Variants in C1orf167 observed in about 807,000 individuals in gnomAD.
C1orf167 encodes the protein chromosome 1 open reading frame 167.
Under a neutral mutation model 176.5 loss-of-function variants are expected in C1orf167, and 153 were observed. The ratio of observed to expected loss-of-function variants is 0.87; its 90% CI spans 0.76 to 0.99. The LOEUF is 0.99. Among genes scored for constraint, C1orf167 ranks in the 50% least tolerant of loss-of-function variants. C1orf167 has a pLI of 0.00. For synonymous variants in C1orf167, 594 were observed against 752.7 expected (o/e 0.79, Z 3.45); for missense variants, 1,490 against 1,817.7 (o/e 0.82, Z 3.28).
In C1orf167 at chr1:11,766,310, G is replaced by A; in HGVS notation, c.524G>A (p.Gly175Asp). 7.8e-7 allele frequency: 1 copy of A among 1,288,940 alleles called. No individual in the cohort carries two copies. The highest frequency in any genetic ancestry group is 2.3e-5 in the Admixed American group (1 of 43,392). 79.8% of individuals were successfully genotyped at this position (1,288,940 alleles called of 1,614,324 possible). Residue 175 changes from glycine to aspartate, a missense_variant, in exon 3 of 21, where the codon GGC becomes GAC. Gly to Asp is a moderately conservative substitution (Grantham distance 94). Coordinates refer to ENST00000688073, the MANE Select transcript of C1orf167 (RefSeq NM_001010881.2). The surrounding 1 kb of genome is among the most constrained non-coding windows in gnomAD (Gnocchi z 4.5). ...CLRQSGLPAP[G>D]TPSGDFRPTE... ...AGGCAGTCCGGGCTGCCGGCCCCAG[G>A]CACCCCTAGCGGGGACTTCAGGCCC...
intron 10 of C1orf167, chr1:11,778,452 A>G: frequency 3.2e-6 from 1 of 312,178 alleles, no homozygotes; most frequent in Non-Finnish European, 6.2e-6. Flanking sequence ...CCTGGTGGGC[A>G]TCGGTACCTC....
At chr1:11,774,660 TA>T (rs905891731) in intron 8 of C1orf167, among the ~76,000 whole-genome samples, 5 of 151,960 alleles carry the variant, frequency 3.3e-5, no homozygotes, top group Admixed American at 3.3e-4. Context: ...TAGTACAGGG[TA>T]GGGGGGCTGA....
In C1orf167 at chr1:11,766,727, G is replaced by C. The variant is rs1432818752; in HGVS notation, c.941G>C (p.Ser314Thr). The C allele has an allele frequency of 7.8e-7, 1 of 1,289,784 alleles. No homozygotes were observed. The highest frequency in any genetic ancestry group is 1.2e-5 in the South Asian group (1 of 81,026). 79.9% of individuals were successfully genotyped at this position (1,289,784 alleles called of 1,614,324 possible). Reference protein sequence around the residue: ...ETAAFLETPASLSDSWAQSKL... With the variant: ...ETAAFLETPATLSDSWAQSKL... ...GCGGCTTTCTTGGAGACCCCGGCTA[G>C]TCTCTCAGACTCTTGGGCACAAAGC... is the stretch of plus-strand genomic sequence containing the variant. The change falls in exon 3 of 21, where the codon AGT becomes ACT. Residue 314 changes from serine to threonine, a missense_variant. Transcript: ENST00000688073. The surrounding 1 kb of genome is among the most constrained non-coding windows in gnomAD (Gnocchi z 4.5).
intron 6 of C1orf167, among the ~76,000 whole-genome samples, chr1:11,770,928 C>G (rs1643023500): frequency 1.3e-5 from 2 of 150,054 alleles, no homozygotes; most frequent in Non-Finnish European, 3.0e-5. Flanking sequence ...CCTCAGCCTC[C>G]CGAGTAGCTG....
At chr1:11,764,182 G>A (rs1642673943) in intron 1 of C1orf167, 149 bp from the exon 2 acceptor site, 1 of 351,362 alleles carries the variant, frequency 2.8e-6, no homozygotes, top group Non-Finnish European at 5.7e-6. Context: ...AGGGAGAGGA[G>A]CCACTGAGAG....
chr1:11,781,086 C>T (rs962470798), intron 13 of C1orf167, among the ~76,000 whole-genome samples: 3 of 151,166 alleles, frequency 2.0e-5, no homozygotes, highest in East Asian at 3.9e-4. Context: ...CAACCTCCAC[C>T]CCCTGGGTTC....
At position 11,766,159 on chromosome 1, in the gene C1orf167, C is replaced by A; in HGVS notation, c.373C>A (p.Leu125Met). Reference sequence around the variant, plus strand: ...AGAGTTTGCCATCCAGCAGAGCAACCTGAGCATCAACGAGACCAGCAGCCC... The same window carrying A: ...AGAGTTTGCCATCCAGCAGAGCAACATGAGCATCAACGAGACCAGCAGCCC... ...AREFAIQQSNLSINETSSPHL... is the reference protein window; with the variant it reads ...AREFAIQQSNMSINETSSPHL... The change falls in exon 3 of 21, where the codon CTG becomes ATG. Residue 125 changes from leucine to methionine, a missense_variant. Coordinates refer to ENST00000688073, the MANE Select transcript of C1orf167 (RefSeq NM_001010881.2). This position sits in a 1 kb window ranked among gnomAD's most constrained non-coding sequence, Gnocchi z 4.5. 7.8e-7 allele frequency: 1 copy of A among 1,289,868 alleles called. No homozygotes were observed. The highest frequency in any genetic ancestry group is 1.2e-5 in the South Asian group (1 of 81,036). The allele number at this position is 1,289,868 out of a possible 1,614,324, so 79.9% of individuals were successfully genotyped here.
Position 11,762,222 on chromosome 1 carries a change from C to A in C1orf167, c.-154C>A. ...TCCCCTCCCGCCCGCGACCTGCCGA[C>A]CTGCGGGGATCGTTAGCGGTCCCAG... On this transcript the variant is annotated 5_prime_UTR_variant, in exon 1 of 21. Coordinates refer to ENST00000688073, the MANE Select transcript of C1orf167 (RefSeq NM_001010881.2). 1 of 446,682 alleles carries A rather than the reference C, an allele frequency of 2.2e-6. No individual in the cohort carries two copies. Among genetic ancestry groups the A allele is most frequent in the Non-Finnish European group, 4.5e-6 (1 of 220,170 alleles). 27.7% of individuals were successfully genotyped at this position (446,682 alleles called of 1,614,324 possible). A position where few individuals can be genotyped will look rare whatever the true frequency, so the allele number is the denominator to read the frequency against.
At chr1:11,765,720 G>C (rs900629357) in intron 2 of C1orf167, 137 bp from the exon 3 acceptor site, 8 of 830,460 alleles carry the variant, frequency 9.6e-6, no homozygotes, top group Non-Finnish European at 1.3e-5. Context: ...AGACAGAGCT[G>C]GCAGAAGACC....
chr1:11,788,069 G>A lies in C1orf167; in HGVS notation c.3848+22G>A, dbSNP rs973347052. 5.7e-5 allele frequency: 73 copies of A among 1,285,892 alleles called. 1 individual carries two copies. The highest frequency in any genetic ancestry group is 7.1e-5 in the Non-Finnish European group (69 of 976,556). 79.7% of individuals were successfully genotyped at this position (1,285,892 alleles called of 1,614,324 possible). On this transcript the variant is annotated intron_variant, in intron 18 of 20. Transcript: ENST00000688073. Reference sequence around the variant, plus strand: ...TACGGTAAGAGGAGCTGTGTGTGCAGTTTGGTGGGTCCGAGGGATGGGGGC... The same window carrying A: ...TACGGTAAGAGGAGCTGTGTGTGCAATTTGGTGGGTCCGAGGGATGGGGGC...
At position 11,779,956 on chromosome 1, in the gene C1orf167, C is replaced by A. The variant is rs1040745252; in HGVS notation, c.2806C>A (p.Arg936=). 6.2e-6 allele frequency: 8 copies of A among 1,298,074 alleles called. No homozygotes were observed. The South Asian group carries it at 9.9e-5, about 16-fold the overall frequency. The allele number at this position is 1,298,074 out of a possible 1,614,324, so 80.4% of individuals were successfully genotyped here. The change falls in exon 13 of 21, where the codon CGG becomes AGG. Residue 936 remains arginine (R), a synonymous_variant. Coordinates refer to ENST00000688073, the MANE Select transcript of C1orf167 (RefSeq NM_001010881.2). Reference sequence around the variant, plus strand: ...GCTGGTGGAGTGGTGGGCCCAGGAGCGGGGCTGGCGGCTGGCACGAGATGC... The same window carrying A: ...GCTGGTGGAGTGGTGGGCCCAGGAGAGGGGCTGGCGGCTGGCACGAGATGC... ...SRLVEWWAQE[R]GWRLARDALC...
rs79822811 is a variant in C1orf167 at position 11,772,730 on chromosome 1, C to T, written c.1988+471C>T. Among the ~76,000 whole-genome samples, 617 of 152,236 alleles carry T rather than the reference C, an allele frequency of 4.1e-3. 6 individuals carry two copies. Among genetic ancestry groups the T allele is most frequent in the African/African-American group, 0.012 (517 of 41,538 alleles). ...GCTTAGTCCCGGCCTCCCACCTCTG[C>T]CCATCATCACAGTGGAACCCATGGC... On this transcript the variant is annotated intron_variant, in intron 8 of 20. Transcript: ENST00000688073.
At chr1:11,782,792 G>C (rs1643655034) in intron 14 of C1orf167, among the ~76,000 whole-genome samples, 1 of 151,964 alleles carries the variant, frequency 6.6e-6, no homozygotes, top group African/African-American at 2.4e-5. Flanking sequence ...CATGGTGGCA[G>C]GTGCCTGTAG....
intron 2 of C1orf167, 22 bp from the exon 3 acceptor site, chr1:11,765,835 T>A (rs1239560447): frequency 8.4e-7 from 1 of 1,185,030 alleles, no homozygotes; most frequent in South Asian, 1.6e-5. Flanking sequence ...ACCCAAGTCA[T>A]GACTGTCTCT....
In C1orf167 at chr1:11,785,224, G is replaced by A; in HGVS notation, c.3502G>A (p.Glu1168Lys). 7.7e-7 allele frequency: 1 copy of A among 1,291,652 alleles called. No individual in the cohort carries two copies. The highest frequency in any genetic ancestry group is 1.2e-5 in the South Asian group (1 of 81,006). 80.0% of individuals were successfully genotyped at this position (1,291,652 alleles called of 1,614,324 possible). The change falls in exon 16 of 21, where the codon GAG (glutamate) becomes AAG (lysine). Residue 1168 changes from glutamate (E) to lysine (K), a missense_variant. Physicochemically the swap from Glu to Lys is moderately conservative, Grantham distance 56 (BLOSUM62 1). Coordinates refer to ENST00000688073, the MANE Select transcript of C1orf167 (RefSeq NM_001010881.2). ...CATCCTCACCCAGCTCCGGCCGGCTGAGCTCAGGCGCTTCCTGCGGACAGT... is the reference window on the plus strand; with the variant it reads ...CATCCTCACCCAGCTCCGGCCGGCTAAGCTCAGGCGCTTCCTGCGGACAGT... The part of the protein sequence containing the change: ...RAILTQLRPA[E>K]LRRFLRTVQL...
intron 9 of C1orf167, among the ~76,000 whole-genome samples, chr1:11,775,925 G>A (rs1643291184): frequency 6.6e-6 from 1 of 152,202 alleles, no homozygotes; most frequent in South Asian, 2.1e-4. Context: ...GGAAGCTCCT[G>A]GTGTGATGGG....
Position 11,762,583 on chromosome 1 carries a change from C to A in C1orf167, c.-71+278C>A, listed in dbSNP as rs1642564007. Among the ~76,000 whole-genome samples, 3 of 152,210 alleles carry A rather than the reference C, an allele frequency of 2.0e-5. No homozygotes were observed. In the South Asian group the frequency reaches 6.2e-4, roughly 32 times the overall value. ...TTAGGAGTCTGCGCTGTGGAGCCAG[C>A]CCTGGGGTGCTCCCTCTGAGGCCTT... On this transcript the variant is annotated intron_variant, in intron 1 of 20. Coordinates refer to ENST00000688073, the MANE Select transcript of C1orf167 (RefSeq NM_001010881.2).
intron 20 of C1orf167, 49 bp downstream of exon 20, chr1:11,788,795 A>G: frequency 2.3e-6 from 3 of 1,293,334 alleles, no homozygotes; most frequent in Non-Finnish European, 3.1e-6. Flanking sequence ...CCACTCAGCC[A>G]GCCTTCCAGA....
At position 11,789,386 on chromosome 1, in the gene C1orf167, C is replaced by T. The variant is rs375481053; in HGVS notation, c.4290C>T (p.Ala1430=). The T allele has an allele frequency of 7.9e-4, 1,032 of 1,303,442 alleles. 3 individuals are homozygous for T. The highest frequency in any genetic ancestry group is 9.4e-4 in the Non-Finnish European group (931 of 988,806). 80.7% of individuals were successfully genotyped at this position (1,303,442 alleles called of 1,614,324 possible). ...AGGGCCCCGAGAGTGGACAGGAAGC[C>T]GCCAGAGCACCGCGGGGTTGGGGGC... ...GPKGPESGQE[A]ARAPRGWGLG... is the part of the protein sequence containing the mutation. The change falls in exon 21 of 21, where the codon GCC becomes GCT. Residue 1430 remains alanine (A), a synonymous_variant. Transcript: ENST00000688073.
Sources: allele counts gnomAD v4.1 joint callset (sites outside exome capture counted in the v4.1 genomes callset), GRCh38; gene constraint gnomAD v4.1.1; non-coding constraint Gnocchi (gnomAD v3.1); transcripts MANE v1.5; gene names NCBI Gene and HGNC (gene_info 2026-07-23, HGNC 2026-07-21).